IGSF10: variants seen among roughly 807,000 people sequenced by gnomAD.
IGSF10 encodes calvaria mechanical force protein 608.
A neutral mutation model predicts 128.2 loss-of-function variants in IGSF10; 126 were observed. That is an observed-to-expected ratio of 0.98 (90% CI 0.85 to 1.14). The LOEUF is 1.14. Among genes scored for constraint, IGSF10 ranks in the 50% most tolerant of loss-of-function variants. The pLI is 0.00. For synonymous variants in IGSF10, 1,185 were observed against 1,146.2 expected, an observed-to-expected ratio of 1.03 and a Z score of -0.68; for missense variants, 3,295 against 3,149.8, an observed-to-expected ratio of 1.05 and a Z score of -1.10.
In IGSF10 at chr3:151,446,225, G is replaced by A. The variant is rs139593877; in HGVS notation, c.3756C>T (p.Phe1252=). 2.5e-4 allele frequency: 410 copies of A among 1,613,702 alleles called. 2 individuals are homozygous for A. The East Asian group carries it at 8.9e-3, about 35-fold the overall frequency. ...LPRDKVSPFH[F]TTLSTSVMQI... ...GCATCACACTTGTTGAAAGTGTGGT[G>A]AAATGGAAAGGGGAGACTTTGTCTC... The change falls in exon 6 of 8, where the codon TTC becomes TTT. Residue 1252 remains phenylalanine (F), a synonymous_variant. Transcript: ENST00000282466.
chr3:151,524,975 T>G, the IGSF10 span, among the ~76,000 whole-genome samples: 1 of 148,244 alleles, frequency 6.7e-6, no homozygotes, highest in African/African-American at 2.4e-5. Flanking sequence ...AGATAATCTT[T>G]GTAACAATTT....
At chr3:151,483,767 G>A in the IGSF10 span, among the ~76,000 whole-genome samples, 2 of 152,146 alleles carry the variant, frequency 1.3e-5, no homozygotes, top group African/African-American at 2.4e-5. Context: ...ATGCACTCTG[G>A]CCCAGATACT....
the IGSF10 span, among the ~76,000 whole-genome samples, chr3:151,515,747 GTGTGTT>G: frequency 3.4e-5 from 4 of 118,204 alleles, no homozygotes; most frequent in African/African-American, 6.3e-5. Flanking sequence ...GTGTGTGTGT[GTGTGTT>G]TGTGTGTATG....
chr3:151,448,033 G>A lies in IGSF10; in HGVS notation c.1948C>T (p.Pro650Ser). 6.2e-7 allele frequency: 1 copy of A among 1,614,118 alleles called. No homozygotes were observed. Residue 650 changes from proline to serine, a missense_variant, in exon 6 of 8, where the codon CCA (proline) becomes TCA (serine). Transcript: ENST00000282466. The part of the protein sequence containing the change: ...QGYYRCVAAN[P>S]SGVDFLIFQV... Reference sequence around the variant, plus strand: ...AAAATCAAAAAATCAACCCCTGATGGGTTGGCTGCCACACAGCGATAATAA... The same window carrying A: ...AAAATCAAAAAATCAACCCCTGATGAGTTGGCTGCCACACAGCGATAATAA...
the IGSF10 span, among the ~76,000 whole-genome samples, chr3:151,548,373 G>A: frequency 2.6e-5 from 4 of 152,276 alleles, no homozygotes; most frequent in Admixed American, 1.3e-4. Flanking sequence ...CCATCTGTCC[G>A]TCATCTCTAG....
the IGSF10 span, among the ~76,000 whole-genome samples, chr3:151,558,010 A>ATATATATTATATATAT: frequency 6.9e-3 from 178 of 25,648 alleles, 10 homozygotes; most frequent in South Asian, 0.015. Flanking sequence ...TATATAATAT[A>ATATATATTATATATAT]TATATATAAT....
chr3:151,485,369 A>C, the IGSF10 span, among the ~76,000 whole-genome samples: 2 of 152,202 alleles, frequency 1.3e-5, no homozygotes, highest in Non-Finnish European at 2.9e-5. Flanking sequence ...CCAAGCTGTA[A>C]AACACTCTTC....
rs745783424 is a variant in IGSF10, at chr3:151,458,514, AC to A, written c.194+1del. The stretch of plus-strand genomic sequence containing the variant: ...GAAGAGGAAACATGAGGTCTCACAC[AC>A]CCTAAATTGATGCGTTCCACATTGG... On this transcript the variant is annotated splice_donor_variant, in intron 3 of 7. Transcript: ENST00000282466. LOFTEE classifies it high-confidence loss of function. 2 of 1,606,860 alleles carry A rather than the reference AC, an allele frequency of 1.2e-6. No individual in the cohort carries two copies. The highest frequency in any genetic ancestry group is 1.1e-5 in the South Asian group (1 of 90,310).
chr3:151,455,362 CTT>C (rs1560182236), intron 4 of IGSF10, among the ~76,000 whole-genome samples: 1 of 151,766 alleles, frequency 6.6e-6, no homozygotes, highest in African/African-American at 2.4e-5. Context: ...TCTGCCCCCC[CTT>C]GGCCTCCCAA....
the IGSF10 span, among the ~76,000 whole-genome samples, chr3:151,537,511 G>C: frequency 6.6e-6 from 1 of 152,110 alleles, no homozygotes; most frequent in African/African-American, 2.4e-5. Flanking sequence ...CTACCATCTA[G>C]TTCATTTTTC....
rs758790167 is a variant in IGSF10 at position 151,447,499 on chromosome 3, T to C, written c.2482A>G (p.Ile828Val). Residue 828 changes from isoleucine to valine, a missense_variant, in exon 6 of 8, where the codon ATA (isoleucine) becomes GTA (valine). Transcript: ENST00000282466. The stretch of plus-strand genomic sequence containing the variant: ...ATGTTTGTCATAGGACTATCAGATA[T>C]TGTTCTGGAGTCAGCAGTCACTGTC... ...ARTVTADSRT[I>V]SDSPMTNINY... 6.2e-7 allele frequency: 1 copy of C among 1,614,154 alleles called. No homozygotes were observed. The highest frequency in any genetic ancestry group is 8.5e-7 in the Non-Finnish European group (1 of 1,179,998).
chr3:151,437,930 A>T lies in IGSF10; in HGVS notation c.6631T>A (p.Tyr2211Asn), dbSNP rs764879101. The change falls in exon 8 of 8, where the codon TAC becomes AAC. Residue 2211 changes from tyrosine to asparagine, a missense_variant. Coordinates refer to ENST00000282466, the MANE Select transcript of IGSF10 (RefSeq NM_178822.5). Reference protein sequence around the residue: ...NKVKLLDSGEYVCVARNPSGD... With the variant: ...NKVKLLDSGENVCVARNPSGD... ...CTGGGATTTCGGGCTACACATACGTACTCTCCAGAATCGAGCAGTTTCACT... is the reference window on the plus strand; with the variant it reads ...CTGGGATTTCGGGCTACACATACGTTCTCTCCAGAATCGAGCAGTTTCACT... 9 of 1,614,002 alleles carry T rather than the reference A, an allele frequency of 5.6e-6. No individual in the cohort carries two copies. The highest frequency in any genetic ancestry group is 7.6e-6 in the Non-Finnish European group (9 of 1,180,008).
At chr3:151,485,039 G>A in the IGSF10 span, among the ~76,000 whole-genome samples, 1 of 152,054 alleles carries the variant, frequency 6.6e-6, no homozygotes, top group Non-Finnish European at 1.5e-5. Context: ...CCCAATGCAA[G>A]GAAGCTAGCC....
chr3:151,517,265 T>A, the IGSF10 span, among the ~76,000 whole-genome samples: 3 of 152,120 alleles, frequency 2.0e-5, no homozygotes, highest in Admixed American at 2.0e-4. Context: ...GAGAAATATA[T>A]CCCATCAGAT....
chr3:151,531,304 G>A, the IGSF10 span, among the ~76,000 whole-genome samples: 2 of 152,100 alleles, frequency 1.3e-5, no homozygotes, highest in Non-Finnish European at 2.9e-5. Context: ...AGGATATCCA[G>A]GACTTGAACT....
At chr3:151,514,997 G>A in the IGSF10 span, among the ~76,000 whole-genome samples, 2 of 152,280 alleles carry the variant, frequency 1.3e-5, no homozygotes, top group Admixed American at 6.5e-5. Flanking sequence ...TGGAGAAACA[G>A]GAACACTTTT....
chr3:151,575,223 C>CCATTCTCAGAGCTCAAA, the IGSF10 span, among the ~76,000 whole-genome samples: 8,793 of 151,888 alleles, frequency 0.058, 513 homozygotes, highest in African/African-American at 0.15. Context: ...GGCAGTCTGT[C>CCATTCTCAGAGCTCAAA]CACCATCCTG....
At chr3:151,602,138 T>A in the IGSF10 span, among the ~76,000 whole-genome samples, 6 of 152,146 alleles carry the variant, frequency 3.9e-5, no homozygotes, top group African/African-American at 1.4e-4. Context: ...AAGGAAAGCC[T>A]TTGTTGTGGA....
the IGSF10 span, among the ~76,000 whole-genome samples, chr3:151,573,392 C>G: frequency 6.6e-6 from 1 of 152,150 alleles, no homozygotes; most frequent in African/African-American, 2.4e-5. Context: ...TAAGGTCTTG[C>G]TTTATGAATC....
Sources: allele counts gnomAD v4.1 joint callset (sites outside exome capture counted in the v4.1 genomes callset), GRCh38; gene constraint gnomAD v4.1.1; transcripts MANE v1.5; gene names NCBI Gene and HGNC (gene_info 2026-07-23, HGNC 2026-07-21).